The following EPHA6 variants were observed in gnomAD, a reference collection of about 807,000 sequenced individuals.
EPHA6 encodes EPH receptor A6, also known as ephrin type-A receptor 6.
Under a neutral mutation model 112.0 loss-of-function variants are expected in EPHA6, and 50 were observed. That is an observed-to-expected ratio of 0.45 (90% CI 0.36 to 0.56). The LOEUF is 0.56. Among genes scored for constraint, EPHA6 ranks in the 20% least tolerant of loss-of-function variants. The pLI, the probability that EPHA6 is intolerant of heterozygous loss-of-function variation, is 0.00. For synonymous variants in EPHA6, 529 were observed against 490.7 expected, an observed-to-expected ratio of 1.08 and a Z score of -1.03; for missense variants, 1,280 against 1,417.4, an observed-to-expected ratio of 0.90 and a Z score of 1.56.
intron 16 of EPHA6, among the ~76,000 whole-genome samples, chr3:97,744,631 A>G (rs545265911): frequency 2.6e-5 from 4 of 152,120 alleles, no homozygotes; most frequent in Admixed American, 1.3e-4. Flanking sequence ...AGCAAATAGC[A>G]GATGCTTTTC....
At chr3:97,354,192 T>C (rs2108904773) in intron 5 of EPHA6, among the ~76,000 whole-genome samples, 1 of 152,280 alleles carries the variant, frequency 6.6e-6, no homozygotes, top group South Asian at 2.1e-4. Context: ...AAGCCCAGAC[T>C]GTGAAGACTA....
At chr3:97,051,862 G>A (rs545103617) in intron 3 of EPHA6, among the ~76,000 whole-genome samples, 2 of 151,978 alleles carry the variant, frequency 1.3e-5, no homozygotes, top group Non-Finnish European at 2.9e-5. Flanking sequence ...TATTCCAAAT[G>A]TTATAGTCTG....
At chr3:96,959,061 G>A (rs2041867429) in intron 2 of EPHA6, among the ~76,000 whole-genome samples, 1 of 152,060 alleles carries the variant, frequency 6.6e-6, no homozygotes, top group South Asian at 2.1e-4. Flanking sequence ...GTAACTCTAT[G>A]TTCAACATTT....
intron 3 of EPHA6, among the ~76,000 whole-genome samples, chr3:96,988,802 G>A (rs886685177): frequency 1.3e-5 from 2 of 151,994 alleles, no homozygotes; most frequent in African/African-American, 2.4e-5. Flanking sequence ...TGCTAGTTAA[G>A]TTTAGAACTA....
At chr3:97,541,734 T>A (rs2092855755) in intron 11 of EPHA6, among the ~76,000 whole-genome samples, 1 of 148,512 alleles carries the variant, frequency 6.7e-6, no homozygotes, top group Admixed American at 6.7e-5. Context: ...TTTGTTTTTT[T>A]TTTTTTGTTT....
intron 5 of EPHA6, among the ~76,000 whole-genome samples, chr3:97,301,221 A>C (rs1370320461): frequency 6.6e-6 from 1 of 152,104 alleles, no homozygotes; most frequent in Non-Finnish European, 1.5e-5. Flanking sequence ...TTTAACTTCA[A>C]ATATTTTCCA....
chr3:97,151,579 G>A (rs1455957927), intron 3 of EPHA6, among the ~76,000 whole-genome samples: 1 of 151,948 alleles, frequency 6.6e-6, no homozygotes, highest in Non-Finnish European at 1.5e-5. Context: ...GGATCTGATG[G>A]TCTGAGTTTA....
In EPHA6 at chr3:97,757,571, T is replaced by A. The variant is rs1460862059; in HGVS notation, c.*8870T>A. 6.6e-6 allele frequency among the ~76,000 whole-genome samples: 1 copy of A among 151,564 alleles called. No homozygotes were observed. The highest frequency in any genetic ancestry group is 1.5e-5 in the Non-Finnish European group (1 of 67,682). On this transcript the variant is annotated 3_prime_UTR_variant, in exon 18 of 18. Transcript: ENST00000389672. The stretch of plus-strand genomic sequence containing the variant: ...ATTATCCCATGGATAATAAAGAGAT[T>A]TTTTTCCAGCCATCATTAAATATAA...
At chr3:97,641,736 T>G (rs561247237) in intron 14 of EPHA6, among the ~76,000 whole-genome samples, 2 of 152,322 alleles carry the variant, frequency 1.3e-5, no homozygotes, top group South Asian at 4.1e-4. Context: ...TCAGACCGGC[T>G]TAAAAAACAG....
Position 97,405,253 on chromosome 3 carries a change from C to T in EPHA6, c.1710C>T (p.Tyr570=), listed in dbSNP as rs368355631. 3.7e-6 allele frequency: 6 copies of T among 1,611,632 alleles called. No individual in the cohort carries two copies. Among genetic ancestry groups the T allele is most frequent in the South Asian group, 1.1e-5 (1 of 90,618 alleles). The part of the protein sequence containing the change: ...PAFSNGAILD[Y]EIKYYEKEHE... ...TTTCCAATGGAGCCATTCTGGACTA[C>T]GAGATCAAGTACTATGAGAAAGTAG... Residue 570 remains tyrosine, a synonymous_variant, in exon 6 of 18, where the codon TAC becomes TAT. Coordinates refer to ENST00000389672, the MANE Select transcript of EPHA6 (RefSeq NM_001080448.3).
intron 1 of EPHA6, 42 bp from the exon 2 acceptor site, chr3:96,866,783 G>A (rs2036340111): frequency 2.7e-6 from 3 of 1,129,236 alleles, no homozygotes; most frequent in African/African-American, 1.6e-5. Context: ...TTTTGCATTA[G>A]TTGAGAAATT....
At chr3:97,386,771 G>A (rs2086095399) in intron 5 of EPHA6, among the ~76,000 whole-genome samples, 1 of 152,196 alleles carries the variant, frequency 6.6e-6, no homozygotes, top group Admixed American at 6.5e-5. Context: ...CCTTTGCACT[G>A]CCATAGTAGA....
chr3:97,131,171 TTAGA>T (rs1639245835), intron 3 of EPHA6, among the ~76,000 whole-genome samples: 1 of 152,068 alleles, frequency 6.6e-6, no homozygotes, highest in South Asian at 2.1e-4. Context: ...TGCTTAATTT[TTAGA>T]TATATAATGT....
intron 3 of EPHA6, among the ~76,000 whole-genome samples, chr3:97,103,436 A>G (rs2047468145): frequency 6.6e-6 from 1 of 151,992 alleles, no homozygotes; most frequent in Non-Finnish European, 1.5e-5. Context: ...ACCTTTGTCA[A>G]AGATCAGATG....
intron 3 of EPHA6, among the ~76,000 whole-genome samples, chr3:97,163,291 T>A (rs1451307965): frequency 6.6e-6 from 1 of 152,130 alleles, no homozygotes; most frequent in African/African-American, 2.4e-5. Flanking sequence ...TCATGATGGG[T>A]CATCTTTTGA....
intron 5 of EPHA6, among the ~76,000 whole-genome samples, chr3:97,369,324 G>A (rs1316759929): frequency 6.6e-6 from 1 of 152,198 alleles, no homozygotes; most frequent in Non-Finnish European, 1.5e-5. Flanking sequence ...GAAAGGACCA[G>A]TTACAAGTTC....
intron 3 of EPHA6, among the ~76,000 whole-genome samples, chr3:96,999,103 A>T (rs2043533416): frequency 6.6e-6 from 1 of 151,760 alleles, no homozygotes; most frequent in South Asian, 2.1e-4. Context: ...AATTAATCTG[A>T]TTATTTAGTG....
intron 6 of EPHA6, among the ~76,000 whole-genome samples, chr3:97,439,014 TTATC>T (rs2089998375): frequency 6.6e-6 from 1 of 152,192 alleles, no homozygotes; most frequent in Non-Finnish European, 1.5e-5. Flanking sequence ...TCTATATATG[TTATC>T]TATTTTATTA....
At chr3:97,005,624 A>T (rs2043848123) in intron 3 of EPHA6, among the ~76,000 whole-genome samples, 1 of 152,066 alleles carries the variant, frequency 6.6e-6, no homozygotes, top group Non-Finnish European at 1.5e-5. Context: ...CCCTTACCTG[A>T]TTGCCCTGGC....
Sources: gnomAD v4.1 joint callset for allele counts (sites outside exome capture counted in the v4.1 genomes callset) on GRCh38, gnomAD v4.1.1 for gene constraint, MANE v1.5 for transcripts, NCBI Gene and HGNC (gene_info 2026-07-23, HGNC 2026-07-21) for gene names.